The following ARMC10 variants were observed in gnomAD, a reference collection of about 807,000 sequenced individuals.
The protein encoded by ARMC10 is armadillo repeat containing 10.
In ARMC10, 23 loss-of-function variants were observed where a neutral mutation model predicts 30.2. The observed-to-expected ratio is 0.76, with a 90% CI of 0.55 to 1.08. ARMC10 has a LOEUF of 1.08. ARMC10 is among the 50% of genes least tolerant of loss of function. ARMC10 has a pLI of 0.00. For synonymous variants in ARMC10, 111 were observed against 164.4 expected (o/e 0.68, Z 2.48); for missense variants, 303 against 413.7 (o/e 0.73, Z 2.32).
In ARMC10 at chr7:103,090,449, A is replaced by G. The variant is rs532779621; in HGVS notation, c.529-2028A>G. ...CCACGACAGGAGATTGCTGGAGGCC[A>G]AGAGTTCAAGACCAGTCTGGGCAAC... On this transcript the variant is annotated intron_variant, in intron 4 of 6. Coordinates refer to ENST00000323716, the MANE Select transcript of ARMC10 (RefSeq NM_031905.5). 3.8e-4 allele frequency among the ~76,000 whole-genome samples: 58 copies of G among 152,296 alleles called. No individual in the cohort carries two copies. In the East Asian group the frequency reaches 3.9e-3, roughly 10 times the overall value.
chr7:103,095,971 T>TA (rs1436800368), intron 5 of ARMC10: 7 of 151,882 alleles, frequency 4.6e-5, no homozygotes, highest in South Asian at 4.2e-4. Context: ...CATTGGGAGA[T>TA]ATACCTAATG....
At chr7:103,078,206 CA>C (rs969570189) in intron 2 of ARMC10, among the ~76,000 whole-genome samples, 4 of 152,160 alleles carry the variant, frequency 2.6e-5, no homozygotes, top group Non-Finnish European at 4.4e-5. Context: ...CCATGTTGGC[CA>C]GGTGATGTGC....
At chr7:103,089,889 T>C (rs1801163866) in intron 4 of ARMC10, among the ~76,000 whole-genome samples, 1 of 152,240 alleles carries the variant, frequency 6.6e-6, no homozygotes, top group Admixed American at 6.5e-5. Context: ...GATGCAACTC[T>C]TGTTCTAAGA....
At chr7:103,096,176 C>T (rs1801745713) in intron 5 of ARMC10, 3 of 152,162 alleles carry the variant, frequency 2.0e-5, no homozygotes, top group African/African-American at 4.8e-5. Context: ...TTTAGCTAGT[C>T]ACCCATTAGA....
chr7:103,078,942 A>G (rs1800135466), intron 2 of ARMC10, among the ~76,000 whole-genome samples: 1 of 152,178 alleles, frequency 6.6e-6, no homozygotes, highest in Non-Finnish European at 1.5e-5. Context: ...CCAGGAGGTC[A>G]AGGCTGCAGT....
intron 5 of ARMC10, 107 bp downstream of exon 5, chr7:103,092,760 T>G (rs1300565073): frequency 1.6e-5 from 12 of 757,586 alleles, no homozygotes; most frequent in Non-Finnish European, 2.1e-5. Flanking sequence ...AAAACTCACA[T>G]GGGCCCAAGA....
chr7:103,079,375 C>G (rs1045005410), intron 2 of ARMC10, among the ~76,000 whole-genome samples: 3 of 152,060 alleles, frequency 2.0e-5, no homozygotes, highest in Non-Finnish European at 4.4e-5. Flanking sequence ...TAAAAACTTG[C>G]AGCAAGTAAG....
rs1801439626 is a variant in ARMC10 at position 103,092,550 on chromosome 7, C to CA, written c.603dup (p.Leu202IlefsTer10). The CA allele has an allele frequency of 6.2e-7, 1 of 1,610,140 alleles. No individual in the cohort carries two copies. The highest frequency in any genetic ancestry group is 8.5e-7 in the Non-Finnish European group (1 of 1,176,960). On this transcript the variant is annotated frameshift_variant, in exon 5 of 7. Coordinates refer to ENST00000323716, the MANE Select transcript of ARMC10 (RefSeq NM_031905.5). LOFTEE classifies it high-confidence loss of function. ...TCTGCTGTGCAGCTGGCTGGACTGA[C>CA]ATTGTTGACAAACATGACTGTTACC... is the stretch of plus-strand genomic sequence containing the variant.
chr7:103,079,678 A>G (rs1800203666), intron 2 of ARMC10, among the ~76,000 whole-genome samples: 2 of 152,276 alleles, frequency 1.3e-5, no homozygotes, highest in South Asian at 2.1e-4. Context: ...GTTTAATAAA[A>G]TATCTTGAGT....
At chr7:103,075,947 GA>G (rs1799748195) in intron 2 of ARMC10, 66 bp downstream of exon 2, 1 of 1,249,544 alleles carries the variant, frequency 8.0e-7, no homozygotes, top group Non-Finnish European at 1.1e-6. Context: ...ACAAATGCAT[GA>G]TTCGGTTTCT....
Position 103,098,674 on chromosome 7 carries a change from A to T in ARMC10, c.*121A>T. 6.9e-7 allele frequency: 1 copy of T among 1,453,428 alleles called. No homozygotes were observed. The highest frequency in any genetic ancestry group is 9.1e-7 in the Non-Finnish European group (1 of 1,095,602). The allele number at this position is 1,453,428 out of a possible 1,614,324, so 90.0% of individuals were successfully genotyped here. A position where few individuals can be genotyped will look rare whatever the true frequency, so the allele number is the denominator to read the frequency against. On this transcript the variant is annotated 3_prime_UTR_variant, in exon 7 of 7. Transcript: ENST00000323716. ...GTAAATATCACATTTTGTCATTAAC[A>T]CAGCTATAACTTGCCGTGGTTCTCA...
intron 2 of ARMC10, among the ~76,000 whole-genome samples, chr7:103,079,305 A>G (rs1800167641): frequency 6.6e-6 from 1 of 152,114 alleles, no homozygotes; most frequent in Non-Finnish European, 1.5e-5. Flanking sequence ...GCATTAAAAT[A>G]TTTCTTTCCA....
At chr7:103,078,004 C>CT (rs1286051060) in intron 2 of ARMC10, among the ~76,000 whole-genome samples, 8 of 151,416 alleles carry the variant, frequency 5.3e-5, no homozygotes, top group South Asian at 4.2e-4. Context: ...TCATCTTTTT[C>CT]TTTTTTTTTG....
intron 4 of ARMC10, 133 bp downstream of exon 4, chr7:103,086,897 A>G: frequency 6.6e-7 from 1 of 1,522,406 alleles, no homozygotes; most frequent in East Asian, 2.5e-5. Context: ...GGAATGGAGA[A>G]TAAGACAGAA....
At position 103,092,577 on chromosome 7, in the gene ARMC10, A is replaced by G. The variant is rs371524704; in HGVS notation, c.629A>G (p.Asn210Ser). ...LTLLTNMTVT[N>S]DHQHMLHSYI... Reference sequence around the variant, plus strand: ...TTGTTGACAAACATGACTGTTACCAATGACCACCAGCACATGCTTCACAGT... The same window carrying G: ...TTGTTGACAAACATGACTGTTACCAGTGACCACCAGCACATGCTTCACAGT... Residue 210 changes from asparagine (N) to serine (S), a missense_variant, in exon 5 of 7, where the codon AAT (asparagine) becomes AGT (serine). Transcript: ENST00000323716. 11 of 1,610,256 alleles carry G rather than the reference A, an allele frequency of 6.8e-6. No individual in the cohort carries two copies. The highest frequency in any genetic ancestry group is 6.7e-5 in the East Asian group (3 of 44,844).
chr7:103,090,786 T>C (rs1801250512), intron 4 of ARMC10, among the ~76,000 whole-genome samples: 1 of 151,602 alleles, frequency 6.6e-6, no homozygotes, highest in Non-Finnish European at 1.5e-5. Flanking sequence ...TAATCCCAGC[T>C]ACTCAGGAGT....
At chr7:103,087,166 G>A (rs1800934143) in intron 4 of ARMC10, among the ~76,000 whole-genome samples, 1 of 152,174 alleles carries the variant, frequency 6.6e-6, no homozygotes, top group African/African-American at 2.4e-5. Flanking sequence ...TCATAAATAT[G>A]GTTGTTAATG....
At position 103,088,698 on chromosome 7, in the gene ARMC10, T is replaced by C. The variant is rs188032253; in HGVS notation, c.528+1934T>C. 1.4e-4 allele frequency: 28 copies of C among 202,060 alleles called. No individual in the cohort carries two copies. In the East Asian group the frequency reaches 3.7e-3, roughly 27 times the overall value. The allele number at this position is 202,060 out of a possible 1,614,324, so 12.5% of individuals were successfully genotyped here. A position where few individuals can be genotyped will look rare whatever the true frequency, so the allele number is the denominator to read the frequency against. On this transcript the variant is annotated intron_variant, in intron 4 of 6. Transcript: ENST00000323716. ...AAGAATCATTTTTACAGTAGCCCCATTGCCGTGAGAGATATTTTCATGAGC... is the reference window on the plus strand; with the variant it reads ...AAGAATCATTTTTACAGTAGCCCCACTGCCGTGAGAGATATTTTCATGAGC...
In ARMC10 at chr7:103,075,305, G is replaced by T. The variant is rs1799598127; in HGVS notation, c.33G>T (p.Ala11=). ...GCCCCCGGGGCGCGGGCTGGGTGGC[G>T]GCGGGCCTGCTGCTCGGCGCGGGCG... MGGPRGAGWV[A]AGLLLGAGAC... Residue 11 remains alanine, a synonymous_variant, in exon 1 of 7, where the codon GCG becomes GCT. Coordinates refer to ENST00000323716, the MANE Select transcript of ARMC10 (RefSeq NM_031905.5). 4 of 1,231,528 alleles carry T rather than the reference G, an allele frequency of 3.2e-6. No homozygotes were observed. Among genetic ancestry groups the T allele is most frequent in the Non-Finnish European group, 1.0e-6 (1 of 987,020 alleles). The allele number at this position is 1,231,528 out of a possible 1,614,324, so 76.3% of individuals were successfully genotyped here.
Sources: allele counts gnomAD v4.1 joint callset (sites outside exome capture counted in the v4.1 genomes callset), GRCh38; gene constraint gnomAD v4.1.1; transcripts MANE v1.5; gene names NCBI Gene and HGNC (gene_info 2026-07-23, HGNC 2026-07-21).